COPS5: variants seen among roughly 807,000 people sequenced by gnomAD.
COPS5 encodes the protein COP9 signalosome complex subunit 5.
A neutral mutation model predicts 44.4 loss-of-function variants in COPS5; 8 were observed. That is an observed-to-expected ratio of 0.18 (90% CI 0.11 to 0.32). COPS5 has a LOEUF of 0.32. Among genes scored for constraint, COPS5 ranks in the 10% least tolerant of loss-of-function variants. The pLI is 1.00. For missense variants in COPS5, 159 were observed against 406.4 expected (o/e 0.39, Z 5.23); for synonymous variants, 122 against 142.8 (o/e 0.85, Z 1.04).
At chr8:67,048,779 A>G (rs1356432985) in intron 6 of COPS5, among the ~76,000 whole-genome samples, 1 of 152,192 alleles carries the variant, frequency 6.6e-6, no homozygotes, top group Non-Finnish European at 1.5e-5. Context: ...TCCCATGAAT[A>G]TAATGCACCA....
At chr8:67,051,152 G>GA in intron 6 of COPS5, 78 bp downstream of exon 6, 1 of 988,464 alleles carries the variant, frequency 1.0e-6, no homozygotes, top group Non-Finnish European at 1.6e-6. Context: ...GCCTTTCTGT[G>GA]AAACAGTGTT....
intron 2 of COPS5, among the ~76,000 whole-genome samples, 196 bp downstream of exon 2, chr8:67,059,015 A>C (rs1280206980): frequency 6.6e-6 from 1 of 150,712 alleles, no homozygotes; most frequent in Non-Finnish European, 1.5e-5. Context: ...AAAAAAAAAA[A>C]ACAACAACAA....
Position 67,062,043 on chromosome 8 carries a change from T to C in COPS5, c.-47A>G. ...GTCGTCTCTACAACCAAGACGCAAC[T>C]TTACCTCGCTAGGTTTCCGGGTGTG... On this transcript the variant is annotated 5_prime_UTR_variant, in exon 1 of 8. Coordinates refer to ENST00000357849, the MANE Select transcript of COPS5 (RefSeq NM_006837.3). The C allele has an allele frequency of 6.2e-7, 1 of 1,613,464 alleles. No homozygotes were observed. Among genetic ancestry groups the C allele is most frequent in the Non-Finnish European group, 8.5e-7 (1 of 1,179,862 alleles).
Position 67,057,371 on chromosome 8 carries a change from A to G in COPS5, c.573+9T>C, listed in dbSNP as rs1038224344. 3 of 1,598,176 alleles carry G rather than the reference A, an allele frequency of 1.9e-6. No homozygotes were observed. The highest frequency in any genetic ancestry group is 2.6e-6 in the Non-Finnish European group (3 of 1,172,008). ...TGAGACTCTAACTCTTAAAAAAAAAAAAAGTTACCTTTGGGTATGTCCTAA... is the reference window on the plus strand; with the variant it reads ...TGAGACTCTAACTCTTAAAAAAAAAGAAAGTTACCTTTGGGTATGTCCTAA... On this transcript the variant is annotated intron_variant, in intron 4 of 7. Transcript: ENST00000357849.
intron 6 of COPS5, chr8:67,047,702 T>C: frequency 1.6e-6 from 1 of 644,628 alleles, no homozygotes; most frequent in Non-Finnish European, 2.8e-6. Flanking sequence ...TGATTATTAA[T>C]GTCCTCATGT....
At chr8:67,051,766 C>T (rs1361196305) in intron 5 of COPS5, among the ~76,000 whole-genome samples, 1 of 152,148 alleles carries the variant, frequency 6.6e-6, no homozygotes, top group Non-Finnish European at 1.5e-5. Context: ...CCTAATTCCC[C>T]AGTTAGGACC....
At chr8:67,057,961 TGAA>T in intron 3 of COPS5, 119 bp downstream of exon 3, 1 of 1,018,206 alleles carries the variant, frequency 9.8e-7, no homozygotes, top group South Asian at 1.6e-5. Flanking sequence ...GAATTCACAT[TGAA>T]ACCTAGGCAG....
intron 1 of COPS5, chr8:67,060,778 T>C (rs1585718511): frequency 1.2e-5 from 3 of 258,364 alleles, no homozygotes; most frequent in Non-Finnish European, 1.6e-5. Context: ...AGTTCACTTA[T>C]GTCAGTATGA....
At chr8:67,053,234 C>T (rs566037295) in intron 5 of COPS5, among the ~76,000 whole-genome samples, 85 of 151,700 alleles carry the variant, frequency 5.6e-4, no homozygotes, top group Non-Finnish European at 8.5e-4. Context: ...GGATTACAGG[C>T]GCCCACCACC....
At position 67,061,836 on chromosome 8, in the gene COPS5, C is replaced by G. The variant is rs765197177; in HGVS notation, c.143+18G>C. On this transcript the variant is annotated intron_variant, in intron 1 of 7. Coordinates refer to ENST00000357849, the MANE Select transcript of COPS5 (RefSeq NM_006837.3). The stretch of plus-strand genomic sequence containing the variant: ...GCCACCCTTTCCCTCCCCTGCGTCT[C>G]GCCAGGGACCTCCTCACTCCTTAGT... 3.1e-6 allele frequency: 5 copies of G among 1,613,488 alleles called. No homozygotes were observed. In the African/African-American group the frequency reaches 6.7e-5, roughly 22 times the overall value.
At chr8:67,053,610 A>C (rs1804451751) in intron 5 of COPS5, among the ~76,000 whole-genome samples, 2 of 151,678 alleles carry the variant, frequency 1.3e-5, no homozygotes. Flanking sequence ...CTGAGGCAGG[A>C]GAATCGCTTG....
At chr8:67,050,311 T>TC (rs1330527504) in intron 6 of COPS5, among the ~76,000 whole-genome samples, 2 of 152,218 alleles carry the variant, frequency 1.3e-5, no homozygotes, top group Admixed American at 6.5e-5. Context: ...TCTTTTTTTT[T>TC]CTCCTAGTAT....
chr8:67,060,406 A>T (rs1563448397), intron 1 of COPS5: 2 of 1,280,976 alleles, frequency 1.6e-6, no homozygotes, highest in Non-Finnish European at 2.0e-6. Context: ...CGTCTCTACA[A>T]AGCCTTTTTA....
chr8:67,047,342 C>A (rs1006584238), intron 6 of COPS5, among the ~76,000 whole-genome samples: 1 of 152,124 alleles, frequency 6.6e-6, no homozygotes, highest in African/African-American at 2.4e-5. Flanking sequence ...CAATTATATT[C>A]ATTTGGTCTG....
intron 3 of COPS5, 31 bp from the exon 4 acceptor site, chr8:67,057,476 A>C: frequency 6.9e-7 from 1 of 1,458,222 alleles, no homozygotes; most frequent in Non-Finnish European, 9.6e-7. Flanking sequence ...ATATCTGCTG[A>C]TATAAAACTG....
chr8:67,051,948 C>T (rs551600438), intron 5 of COPS5, among the ~76,000 whole-genome samples: 1 of 152,268 alleles, frequency 6.6e-6, no homozygotes, highest in Middle Eastern at 3.4e-3. Flanking sequence ...TAAACTTACA[C>T]ATGCTTCTGT....
intron 1 of COPS5, chr8:67,060,728 T>A (rs1804583124): frequency 3.2e-6 from 1 of 317,130 alleles, no homozygotes; most frequent in Admixed American, 4.3e-5. Context: ...TAGTGACAGC[T>A]GTGAGATTTG....
chr8:67,061,615 T>G, intron 1 of COPS5: 3 of 530,808 alleles, frequency 5.7e-6, no homozygotes, highest in South Asian at 4.1e-5. Flanking sequence ...AAGTGACAAC[T>G]TAAATCACCG....
In COPS5 at chr8:67,057,374, A is replaced by G; in HGVS notation, c.573+6T>C. The G allele has an allele frequency of 6.3e-7, 1 of 1,589,622 alleles. No homozygotes were observed. The highest frequency in any genetic ancestry group is 8.6e-7 in the Non-Finnish European group (1 of 1,167,194). On this transcript the variant is annotated splice_donor_region_variant and intron_variant, in intron 4 of 7. Coordinates refer to ENST00000357849, the MANE Select transcript of COPS5 (RefSeq NM_006837.3). Reference sequence around the variant, plus strand: ...GACTCTAACTCTTAAAAAAAAAAAAAGTTACCTTTGGGTATGTCCTAAAGG... The same window carrying G: ...GACTCTAACTCTTAAAAAAAAAAAAGGTTACCTTTGGGTATGTCCTAAAGG...
Sources: allele counts gnomAD v4.1 joint callset (sites outside exome capture counted in the v4.1 genomes callset), GRCh38; gene constraint gnomAD v4.1.1; transcripts MANE v1.5; gene names NCBI Gene and HGNC (gene_info 2026-07-23, HGNC 2026-07-21).